The following PIP5K1B variants were observed in gnomAD, a reference collection of about 807,000 sequenced individuals.
PIP5K1B encodes the protein phosphatidylinositol-4-phosphate 5-kinase type 1 beta, also known as phosphatidylinositol 4-phosphate 5-kinase type-1 beta.
PIP5K1B carries 42 observed loss-of-function variants against 67.0 expected under a neutral mutation model. The observed-to-expected ratio is 0.63, with a 90% CI of 0.49 to 0.81. The LOEUF (loss-of-function observed/expected upper bound fraction) is 0.81, where lower values mean the gene tolerates loss of function less well. Ranked by LOEUF, PIP5K1B falls within the 30% of genes least tolerant of loss-of-function variation. The probability of loss-of-function intolerance (pLI) is 0.00; values close to 1 mark genes in which losing one functional copy is unlikely to be tolerated. For missense variants in PIP5K1B, 459 were observed against 646.3 expected, an observed-to-expected ratio of 0.71 and a Z score of 3.14; for synonymous variants, 214 against 231.4, an observed-to-expected ratio of 0.92 and a Z score of 0.68.
At chr9:68,843,769 A>G (rs1357392023) in intron 4 of PIP5K1B, among the ~76,000 whole-genome samples, 1 of 152,178 alleles carries the variant, frequency 6.6e-6, no homozygotes, top group Non-Finnish European at 1.5e-5. Context: ...CCCCTCAGCC[A>G]TATACCATGC....
At chr9:68,769,076 A>C (rs919207618) in intron 2 of PIP5K1B, among the ~76,000 whole-genome samples, 1 of 152,256 alleles carries the variant, frequency 6.6e-6, no homozygotes, top group African/African-American at 2.4e-5. Flanking sequence ...TATTCCCAGT[A>C]ATGCATCCCT....
chr9:68,922,994 T>C (rs1276149522), intron 11 of PIP5K1B, among the ~76,000 whole-genome samples: 1 of 152,186 alleles, frequency 6.6e-6, no homozygotes, highest in African/African-American at 2.4e-5. Flanking sequence ...TAAAAACTCC[T>C]CCTGGGACAC....
chr9:68,876,874 T>A lies in PIP5K1B; in HGVS notation c.318+80T>A, dbSNP rs566554458. ...TCTCATAGCAACAGCAACAAGTGGC[T>A]TGTGTCTCTCATTTTATAAAGCTCT... On this transcript the variant is annotated intron_variant, in intron 6 of 15. Coordinates refer to ENST00000265382, the MANE Select transcript of PIP5K1B (RefSeq NM_003558.4). 5.3e-5 allele frequency: 41 copies of A among 766,462 alleles called. No individual in the cohort carries two copies. The South Asian group carries it at 6.0e-4, about 11-fold the overall frequency. 47.5% of individuals were successfully genotyped at this position (766,462 alleles called of 1,614,324 possible).
chr9:68,780,569 G>A, intron 2 of PIP5K1B: 5 of 1,614,202 alleles, frequency 3.1e-6, no homozygotes, highest in Non-Finnish European at 4.2e-6. Context: ...CCTCCCCCAA[G>A]CGCATCGATT....
At chr9:68,842,092 A>G (rs1821947601) in intron 4 of PIP5K1B, among the ~76,000 whole-genome samples, 1 of 152,330 alleles carries the variant, frequency 6.6e-6, no homozygotes, top group South Asian at 2.1e-4. Flanking sequence ...CATGTGCCCC[A>G]AAGATGCCTT....
intron 4 of PIP5K1B, among the ~76,000 whole-genome samples, chr9:68,852,417 G>C (rs1221386668): frequency 6.6e-6 from 1 of 151,942 alleles, no homozygotes; most frequent in Non-Finnish European, 1.5e-5. Flanking sequence ...GAATCATCTG[G>C]AAAGATCCAC....
intron 14 of PIP5K1B, among the ~76,000 whole-genome samples, chr9:68,948,715 G>GAA (rs35259230): frequency 0.011 from 1,546 of 145,270 alleles, 19 homozygotes; most frequent in African/African-American, 0.02. Flanking sequence ...CCCACCCCCA[G>GAA]AAAAAAAAAA....
Position 68,999,226 on chromosome 9 carries a change from C to T in PIP5K1B, c.1620+7969C>T, listed in dbSNP as rs556160409. Among the ~76,000 whole-genome samples the T allele has an allele frequency of 1.4e-4, 22 of 152,206 alleles. No homozygotes were observed. In the East Asian group the frequency reaches 4.3e-3, roughly 29 times the overall value. On this transcript the variant is annotated intron_variant, in intron 15 of 15. Coordinates refer to ENST00000265382, the MANE Select transcript of PIP5K1B (RefSeq NM_003558.4). ...AGGGTTCACCCTAATCCAGTATGAC[C>T]TCATCTTAACTAATTACATCTGCAA... is the stretch of plus-strand genomic sequence containing the variant.
intron 1 of PIP5K1B, among the ~76,000 whole-genome samples, chr9:68,723,217 G>T (rs928215764): frequency 6.7e-6 from 1 of 149,782 alleles, no homozygotes; most frequent in Non-Finnish European, 1.5e-5. Context: ...AGAGAGAGAC[G>T]TTTTCTTTGT....
intron 2 of PIP5K1B, among the ~76,000 whole-genome samples, chr9:68,746,747 C>T (rs1384540477): frequency 3.3e-5 from 5 of 152,188 alleles, no homozygotes; most frequent in Non-Finnish European, 7.3e-5. Context: ...GCCTGGCTTA[C>T]CACTTCCAGA....
intron 2 of PIP5K1B, chr9:68,779,986 T>C: frequency 1.3e-6 from 1 of 786,968 alleles, no homozygotes; most frequent in Non-Finnish European, 1.8e-6. Flanking sequence ...TATTACGCAT[T>C]AAGCAGGCGC....
intron 2 of PIP5K1B, among the ~76,000 whole-genome samples, chr9:68,797,197 C>T (rs925867853): frequency 6.6e-6 from 1 of 152,152 alleles, no homozygotes; most frequent in Non-Finnish European, 1.5e-5. Context: ...TGTTTAATGT[C>T]TACGATGCTT....
chr9:68,906,877 A>G (rs1034128727), intron 8 of PIP5K1B, among the ~76,000 whole-genome samples: 1 of 152,178 alleles, frequency 6.6e-6, no homozygotes, highest in African/African-American at 2.4e-5. Context: ...GAGATTCTCC[A>G]TCCTCTGATA....
At chr9:68,983,819 T>C (rs1829992560) in intron 14 of PIP5K1B, among the ~76,000 whole-genome samples, 1 of 152,180 alleles carries the variant, frequency 6.6e-6, no homozygotes, top group Non-Finnish European at 1.5e-5. Flanking sequence ...ACTCTTGGCC[T>C]TTGGGATGAT....
At chr9:68,780,265 G>A in intron 2 of PIP5K1B, 1 of 1,565,796 alleles carries the variant, frequency 6.4e-7, no homozygotes, top group Non-Finnish European at 8.6e-7. Flanking sequence ...GGCCTCAGGA[G>A]GTCTAACAGC....
At chr9:68,845,889 T>A (rs1822164904) in intron 4 of PIP5K1B, among the ~76,000 whole-genome samples, 1 of 152,214 alleles carries the variant, frequency 6.6e-6, no homozygotes, top group Non-Finnish European at 1.5e-5. Context: ...TTGAAAAACA[T>A]GTAAATGAAC....
At chr9:68,950,311 C>T (rs1177545748) in intron 14 of PIP5K1B, among the ~76,000 whole-genome samples, 1 of 152,198 alleles carries the variant, frequency 6.6e-6, no homozygotes, top group Non-Finnish European at 1.5e-5. Flanking sequence ...GAGAGTCCCC[C>T]TCTCCACCCT....
intron 4 of PIP5K1B, among the ~76,000 whole-genome samples, chr9:68,858,250 A>G (rs1822884253): frequency 6.6e-6 from 1 of 152,166 alleles, no homozygotes; most frequent in East Asian, 1.9e-4. Context: ...CTGGGATTAC[A>G]GGCGTGAGCC....
intron 4 of PIP5K1B, among the ~76,000 whole-genome samples, chr9:68,828,712 T>C (rs561242623): frequency 1.3e-5 from 2 of 152,364 alleles, no homozygotes; most frequent in South Asian, 4.1e-4. Flanking sequence ...TGACAGCTGG[T>C]AACACTGTCT....
Sources: gnomAD v4.1 joint callset for allele counts (sites outside exome capture counted in the v4.1 genomes callset) on GRCh38, gnomAD v4.1.1 for gene constraint, MANE v1.5 for transcripts, NCBI Gene and HGNC (gene_info 2026-07-23, HGNC 2026-07-21) for gene names.